The following SCAMP5 variants were observed in gnomAD, a reference collection of about 807,000 sequenced individuals.
SCAMP5 encodes secretory carrier-associated membrane protein 5.
Under a neutral mutation model 28.3 loss-of-function variants are expected in SCAMP5, and 7 were observed. The observed-to-expected ratio is 0.25, with a 90% confidence interval of 0.14 to 0.46. The LOEUF (loss-of-function observed/expected upper bound fraction) is 0.46, where lower values mean the gene tolerates loss of function less well. SCAMP5 is among the 20% of genes least tolerant of loss of function. The pLI is 0.99. For synonymous variants in SCAMP5, 117 were observed against 116.4 expected (o/e 1.00, Z -0.03); for missense variants, 192 against 312.5 (o/e 0.61, Z 2.91).
chr15:75,016,241 G>A (rs2065858313), intron 3 of SCAMP5, among the ~76,000 whole-genome samples: 1 of 152,130 alleles, frequency 6.6e-6, no homozygotes, highest in Non-Finnish European at 1.5e-5. Context: ...AGAAGCTCTG[G>A]GTTCTGGAGG....
At chr15:75,017,029 C>T (rs1324646908) in intron 4 of SCAMP5, among the ~76,000 whole-genome samples, 1 of 151,924 alleles carries the variant, frequency 6.6e-6, no homozygotes, top group Non-Finnish European at 1.5e-5. Flanking sequence ...TCATCCCCTT[C>T]CTCAGGCAGC....
Position 75,011,786 on chromosome 15 carries a change from T to C in SCAMP5, c.-48-6T>C. The C allele has an allele frequency of 1.3e-6, 2 of 1,575,252 alleles. No homozygotes were observed. Among genetic ancestry groups the C allele is most frequent in the Non-Finnish European group, 1.7e-6 (2 of 1,146,064 alleles). On this transcript the variant is annotated splice_polypyrimidine_tract_variant and splice_region_variant and intron_variant, in intron 1 of 6. Transcript: ENST00000425597. ...TCATCCTTCTCTGGCTTTTCTTTCC[T>C]TGCAGTTCAGGACAAAGAGGTGTGG...
At chr15:75,014,736 G>T (rs1247656408) in intron 3 of SCAMP5, among the ~76,000 whole-genome samples, 2 of 152,200 alleles carry the variant, frequency 1.3e-5, no homozygotes, top group African/African-American at 4.8e-5. Context: ...TAGAGAGAGA[G>T]AGGGGCTGAG....
intron 1 of SCAMP5, among the ~76,000 whole-genome samples, chr15:75,004,302 T>C (rs1050682819): frequency 8.5e-5 from 13 of 152,240 alleles, no homozygotes; most frequent in African/African-American, 3.1e-4. Context: ...CTCATGTAGC[T>C]GAGACTACAG....
At chr15:74,997,780 TAGG>T (rs1487661194) in intron 1 of SCAMP5, among the ~76,000 whole-genome samples, 1 of 152,136 alleles carries the variant, frequency 6.6e-6, no homozygotes, top group South Asian at 2.1e-4. Context: ...CAAAGATCTG[TAGG>T]AGGCTACTGA....
rs1450101630 is a variant in SCAMP5 at position 75,021,062 on chromosome 15, T to A, written c.*2079T>A. 1 of 152,404 alleles carries A rather than the reference T, an allele frequency of 6.6e-6. No homozygotes were observed. Among genetic ancestry groups the A allele is most frequent in the African/African-American group, 2.4e-5 (1 of 41,442 alleles). 9.4% of individuals were successfully genotyped at this position (152,404 alleles called of 1,614,324 possible). A position where few individuals can be genotyped will look rare whatever the true frequency, so the allele number is the denominator to read the frequency against. ...GAGGCCTGTGATCCAGCTCCCTGCC[T>A]AGCATCCATGACCTGTTGGATGTTA... On this transcript the variant is annotated 3_prime_UTR_variant, in exon 7 of 7. Transcript: ENST00000425597.
intron 1 of SCAMP5, 159 bp from the exon 2 acceptor site, chr15:75,011,633 C>T (rs2065812756): frequency 4.9e-6 from 2 of 411,532 alleles, no homozygotes; most frequent in South Asian, 1.6e-4. Flanking sequence ...GGAAGGGTGG[C>T]TCTGGGAGGA....
At chr15:75,001,710 G>C (rs553448953) in intron 1 of SCAMP5, among the ~76,000 whole-genome samples, 1 of 151,600 alleles carries the variant, frequency 6.6e-6, no homozygotes, top group Admixed American at 6.6e-5. Context: ...CTCTATTAAA[G>C]ATACAAAAAA....
At position 75,019,137 on chromosome 15, in the gene SCAMP5, A is replaced by G; in HGVS notation, c.*154A>G. On this transcript the variant is annotated 3_prime_UTR_variant, in exon 7 of 7. Transcript: ENST00000425597. Reference sequence around the variant, plus strand: ...CAGAGTTATATATATATATATATGTATATGTCTGTACCCCAGCCCCCACCT... The same window carrying G: ...CAGAGTTATATATATATATATATGTGTATGTCTGTACCCCAGCCCCCACCT... 6.8e-6 allele frequency: 3 copies of G among 438,516 alleles called. No homozygotes were observed. The highest frequency in any genetic ancestry group is 7.9e-6 in the Non-Finnish European group (2 of 252,400). The allele number at this position is 438,516 out of a possible 1,614,324, so 27.2% of individuals were successfully genotyped here. A position where few individuals can be genotyped will look rare whatever the true frequency, so the allele number is the denominator to read the frequency against.
chr15:74,999,809 A>G (rs2065686796), intron 1 of SCAMP5, among the ~76,000 whole-genome samples: 1 of 152,190 alleles, frequency 6.6e-6, no homozygotes, highest in South Asian at 2.1e-4. Flanking sequence ...TCAAAAATAA[A>G]TAAATAAAAT....
In SCAMP5 at chr15:75,020,946, G is replaced by T. The variant is rs1423181466; in HGVS notation, c.*1963G>T. On this transcript the variant is annotated 3_prime_UTR_variant, in exon 7 of 7. Transcript: ENST00000425597. ...GTCACAGTCCCTGGTACCTGAAAAG[G>T]TACCTAGGTCTAGGCCCTTCTTCCC... 6.6e-6 allele frequency: 1 copy of T among 152,182 alleles called. No individual in the cohort carries two copies. The highest frequency in any genetic ancestry group is 1.5e-5 in the Non-Finnish European group (1 of 68,072). 9.4% of individuals were successfully genotyped at this position (152,182 alleles called of 1,614,324 possible). A position where few individuals can be genotyped will look rare whatever the true frequency, so the allele number is the denominator to read the frequency against.
At chr15:75,005,981 C>CTTTTTTTTTT (rs527501720) in intron 1 of SCAMP5, among the ~76,000 whole-genome samples, 1 of 81,016 alleles carries the variant, frequency 1.2e-5, no homozygotes. Context: ...CTCGGCCTCC[C>CTTTTTTTTTT]TTTTTTTTTT....
In SCAMP5 at chr15:75,009,646, T is replaced by G. The variant is rs540455760; in HGVS notation, c.-48-2146T>G. ...CACGCACCATCGTGCCTGCCTAATT[T>G]TTTATTTTTTGTAGAGATGGAGTCT... On this transcript the variant is annotated intron_variant, in intron 1 of 6. Coordinates refer to ENST00000425597, the MANE Select transcript of SCAMP5 (RefSeq NM_138967.4). Among the ~76,000 whole-genome samples the G allele has an allele frequency of 1.1e-3, 163 of 152,136 alleles. No individual in the cohort carries two copies. The Middle Eastern group carries it at 0.014, about 13-fold the overall frequency.
Position 75,001,869 on chromosome 15 carries a change from C to CAA in SCAMP5, c.-49+6224_-49+6225dup, listed in dbSNP as rs769760180. Among the ~76,000 whole-genome samples the CAA allele has an allele frequency of 7.2e-3, 292 of 40,422 alleles. 35 individuals are homozygous for CAA. Among genetic ancestry groups the CAA allele is most frequent in the Non-Finnish European group, 9.7e-3 (221 of 22,710 alleles). 26.5% of individuals were successfully genotyped at this position (40,422 alleles called of 152,430 possible). A position where few individuals can be genotyped will look rare whatever the true frequency, so the allele number is the denominator to read the frequency against. On this transcript the variant is annotated intron_variant, in intron 1 of 6. Coordinates refer to ENST00000425597, the MANE Select transcript of SCAMP5 (RefSeq NM_138967.4). ...TGGGCAACAGGGCAAGACTCGGTCT[C>CAA]AAAAAAAAAAAAAAAAAAAAAAAAA...
chr15:75,003,083 G>A (rs531155101), intron 1 of SCAMP5, among the ~76,000 whole-genome samples: 20 of 152,108 alleles, frequency 1.3e-4, no homozygotes, highest in African/African-American at 3.9e-4. Context: ...GGCGCACGCC[G>A]TCACACCCGG....
At chr15:75,014,216 G>A (rs1480283210) in intron 3 of SCAMP5, among the ~76,000 whole-genome samples, 1 of 152,148 alleles carries the variant, frequency 6.6e-6, no homozygotes, top group East Asian at 1.9e-4. Context: ...GTCCCTCATG[G>A]CATGGTAGGA....
chr15:75,006,180 G>C (rs2065757197), intron 1 of SCAMP5, among the ~76,000 whole-genome samples: 1 of 150,674 alleles, frequency 6.6e-6, no homozygotes, highest in African/African-American at 2.4e-5. Context: ...TGTATTTTTA[G>C]TATAGACAGG....
At chr15:75,015,723 C>T (rs907042877) in intron 3 of SCAMP5, among the ~76,000 whole-genome samples, 60 of 152,164 alleles carry the variant, frequency 3.9e-4, no homozygotes, top group Non-Finnish European at 5.9e-4. Context: ...GTCAGGAGTT[C>T]GAGACCAGCC....
At position 75,018,882 on chromosome 15, in the gene SCAMP5, G is replaced by A. The variant is rs1342846476; in HGVS notation, c.607G>A (p.Ala203Thr). The part of the protein sequence containing the change: ...GAWKNPHVQQ[A>T]AQNAAMGAAQ... ...CTGGAAGAATCCACATGTGCAGCAGGCAGCCCAGAACGCAGCCATGGGGGC... is the reference window on the plus strand; with the variant it reads ...CTGGAAGAATCCACATGTGCAGCAGACAGCCCAGAACGCAGCCATGGGGGC... Residue 203 changes from alanine (A) to threonine (T), a missense_variant, in exon 7 of 7, where the codon GCA becomes ACA. By Grantham distance (58) the Ala-to-Thr change is moderately conservative. Coordinates refer to ENST00000425597, the MANE Select transcript of SCAMP5 (RefSeq NM_138967.4). The surrounding 1 kb of genome is among the most constrained non-coding windows in gnomAD (Gnocchi z 5.6). The A allele has an allele frequency of 1.9e-6, 3 of 1,592,378 alleles. No homozygotes were observed. The highest frequency in any genetic ancestry group is 2.2e-5 in the East Asian group (1 of 44,738).
Sources: allele counts gnomAD v4.1 joint callset (sites outside exome capture counted in the v4.1 genomes callset), GRCh38; gene constraint gnomAD v4.1.1; non-coding constraint Gnocchi (gnomAD v3.1); transcripts MANE v1.5; gene names NCBI Gene and HGNC (gene_info 2026-07-23, HGNC 2026-07-21).